SVEP1: variants seen among roughly 807,000 people sequenced by gnomAD.
SVEP1 encodes the protein sushi, von Willebrand factor type A, EGF and pentraxin domain-containing protein 1.
A neutral mutation model predicts 367.3 loss-of-function variants in SVEP1; 164 were observed. The ratio of observed to expected loss-of-function variants is 0.45; its 90% CI spans 0.39 to 0.51. The LOEUF (loss-of-function observed/expected upper bound fraction) is 0.51. SVEP1 is among the 20% of genes least tolerant of loss of function. The probability of loss-of-function intolerance (pLI) is 0.00; values close to 1 mark genes in which losing one functional copy is unlikely to be tolerated. For synonymous variants in SVEP1, 1,666 were observed against 1,611.6 expected, an observed-to-expected ratio of 1.03 and a Z score of -0.81; for missense variants, 4,117 against 4,425.3, an observed-to-expected ratio of 0.93 and a Z score of 1.98.
intron 1 of SVEP1, among the ~76,000 whole-genome samples, chr9:110,562,522 T>A (rs547124578): frequency 6.6e-6 from 1 of 152,104 alleles, no homozygotes; most frequent in African/African-American, 2.4e-5. Context: ...GTATTACATA[T>A]GGTATTTGGA....
intron 14 of SVEP1, among the ~76,000 whole-genome samples, chr9:110,474,691 A>G (rs1829073116): frequency 6.6e-6 from 1 of 152,196 alleles, no homozygotes; most frequent in Non-Finnish European, 1.5e-5. Context: ...TATGTTACTG[A>G]CAATGCCACC....
At chr9:110,427,459 A>C (rs1199316634) in intron 36 of SVEP1, 132 bp downstream of exon 36, 8 of 1,099,890 alleles carry the variant, frequency 7.3e-6, no homozygotes, top group Non-Finnish European at 1.0e-5. Flanking sequence ...GGTAGGAAAT[A>C]AAAGCATAAG....
chr9:110,517,198 G>A (rs528031636), intron 3 of SVEP1, among the ~76,000 whole-genome samples: 12 of 152,210 alleles, frequency 7.9e-5, no homozygotes, highest in Non-Finnish European at 1.5e-4. Context: ...GGTGGCTCAC[G>A]GCTGTAATTC....
intron 28 of SVEP1, 73 bp downstream of exon 28, chr9:110,436,307 T>A: frequency 2.5e-6 from 4 of 1,578,808 alleles, no homozygotes; most frequent in Non-Finnish European, 3.5e-6. Flanking sequence ...ATGTCATCAT[T>A]AGGCTGTTCA....
chr9:110,558,120 G>C (rs1248649545), intron 1 of SVEP1, among the ~76,000 whole-genome samples: 1 of 151,982 alleles, frequency 6.6e-6, no homozygotes, highest in Non-Finnish European at 1.5e-5. Context: ...AAAACATCTA[G>C]AGAAGGCCTA....
intron 3 of SVEP1, among the ~76,000 whole-genome samples, chr9:110,525,382 C>T (rs984245704): frequency 6.6e-6 from 1 of 152,064 alleles, no homozygotes; most frequent in Non-Finnish European, 1.5e-5. Flanking sequence ...AATAATAAAG[C>T]AAGCATGTAC....
At position 110,579,156 on chromosome 9, in the gene SVEP1, T is replaced by C. The variant is rs1183150979; in HGVS notation, c.388A>G (p.Lys130Glu). The change falls in exon 1 of 48, where the codon AAG becomes GAG. Residue 130 changes from lysine to glutamate, a missense_variant. This residue lies in a region of SVEP1 where 2,174 missense variants were observed against 2,494.3 expected (regional missense o/e 0.87). Coordinates refer to ENST00000374469, the MANE Select transcript of SVEP1 (RefSeq NM_153366.4). The surrounding 1 kb of genome is among the most constrained non-coding windows in gnomAD (Gnocchi z 5.3). ...TRVAIVTFSS[K>E]NYVVPRVDYI... ...TCGACGCGCGGCACCACGTAGTTCT[T>C]GGACGAGAAGGTCACGATGGCCACG... 1 of 1,562,514 alleles carries C rather than the reference T, an allele frequency of 6.4e-7. No individual in the cohort carries two copies. Among genetic ancestry groups the C allele is most frequent in the Non-Finnish European group, 8.7e-7 (1 of 1,154,218 alleles).
intron 40 of SVEP1, among the ~76,000 whole-genome samples, chr9:110,390,071 A>ATATATACG (rs1827610900): frequency 2.2e-5 from 3 of 136,116 alleles, no homozygotes; most frequent in African/African-American, 8.1e-5. Context: ...ATAAGTATAT[A>ATATATACG]TATATACGTG....
At position 110,546,245 on chromosome 9, in the gene SVEP1, T is replaced by G. The variant is rs41305611; in HGVS notation, c.834A>C (p.Ser278=). 1.3e-6 allele frequency: 2 copies of G among 1,592,692 alleles called. No individual in the cohort carries two copies. The highest frequency in any genetic ancestry group is 1.7e-6 in the Non-Finnish European group (2 of 1,169,118). The change falls in exon 3 of 48, where the codon TCA becomes TCC. Residue 278 remains serine, a synonymous_variant. Transcript: ENST00000374469. ...SFIQDDMVHC[S]YLCDEGKDCC... ...AGTCCTTGCCTTCATCACAAAGATATGAGCAGTGGACCATATCATCTTGAA... is the reference window on the plus strand; with the variant it reads ...AGTCCTTGCCTTCATCACAAAGATAGGAGCAGTGGACCATATCATCTTGAA...
intron 3 of SVEP1, among the ~76,000 whole-genome samples, chr9:110,542,971 A>T (rs1241464458): frequency 4.1e-5 from 6 of 147,576 alleles, no homozygotes; most frequent in South Asian, 2.1e-4. Context: ...TAATTAAAAA[A>T]AAATATATAT....
chr9:110,508,532 C>T (rs1180922137), intron 5 of SVEP1, among the ~76,000 whole-genome samples: 3 of 151,804 alleles, frequency 2.0e-5, no homozygotes, highest in South Asian at 4.1e-4. Context: ...GAGGCTGAGG[C>T]GGGTGGATCA....
chr9:110,575,013 G>A (rs150834901), intron 1 of SVEP1, among the ~76,000 whole-genome samples: 205 of 152,178 alleles, frequency 1.3e-3, no homozygotes, highest in African/African-American at 4.8e-3. Context: ...CCAAAGTCCT[G>A]GGATTACAGG....
At chr9:110,403,305 T>TTTTTTTTTTTG (rs1827895979) in intron 39 of SVEP1, among the ~76,000 whole-genome samples, 1 of 128,346 alleles carries the variant, frequency 7.8e-6, no homozygotes, top group African/African-American at 3.2e-5. Flanking sequence ...CGTTTTTTTT[T>TTTTTTTTTTTG]TTTTTTTTTT....
intron 17 of SVEP1, among the ~76,000 whole-genome samples, chr9:110,466,452 A>C (rs1828937672): frequency 6.6e-6 from 1 of 152,056 alleles, no homozygotes; most frequent in Non-Finnish European, 1.5e-5. Context: ...CTACTCTGAA[A>C]TCTCTGCTTT....
At chr9:110,488,171 G>A (rs183405433) in intron 9 of SVEP1, among the ~76,000 whole-genome samples, 255 of 152,278 alleles carry the variant, frequency 1.7e-3, no homozygotes, top group Non-Finnish European at 2.9e-3. Context: ...CAAGGTTTTC[G>A]CTTGGTAGCT....
chr9:110,546,904 TA>T (rs1830227824), intron 2 of SVEP1, among the ~76,000 whole-genome samples: 1 of 152,120 alleles, frequency 6.6e-6, no homozygotes, highest in Non-Finnish European at 1.5e-5. Context: ...ACAGGGTGGG[TA>T]AGGTTGAATA....
At chr9:110,572,091 C>T (rs1830569789) in intron 1 of SVEP1, among the ~76,000 whole-genome samples, 2 of 146,534 alleles carry the variant, frequency 1.4e-5, no homozygotes, top group Non-Finnish European at 3.0e-5. Context: ...TACCTACCTC[C>T]AAAGGTAATA....
At chr9:110,398,402 T>C (rs922447230) in intron 40 of SVEP1, among the ~76,000 whole-genome samples, 4 of 152,050 alleles carry the variant, frequency 2.6e-5, no homozygotes, top group Admixed American at 1.3e-4. Flanking sequence ...AGAAGAAAAC[T>C]TAGGCAATAC....
chr9:110,570,068 C>G (rs1193872408), intron 1 of SVEP1, among the ~76,000 whole-genome samples: 1 of 152,200 alleles, frequency 6.6e-6, no homozygotes, highest in Non-Finnish European at 1.5e-5. Context: ...ACAACTCTCA[C>G]AGAGTTTTTC....
Sources: allele counts gnomAD v4.1 joint callset (sites outside exome capture counted in the v4.1 genomes callset), GRCh38; gene constraint gnomAD v4.1.1; regional missense constraint gnomAD v4.1.1; non-coding constraint Gnocchi (gnomAD v3.1); transcripts MANE v1.5; gene names NCBI Gene and HGNC (gene_info 2026-07-23, HGNC 2026-07-21).